KIAA1328: variants seen among roughly 807,000 people sequenced by gnomAD.
The protein encoded by KIAA1328 is KIAA1328, also known as protein hinderin.
Under a neutral mutation model 68.1 loss-of-function variants are expected in KIAA1328, and 52 were observed. The ratio of observed to expected loss-of-function variants is 0.76; its 90% CI spans 0.61 to 0.96. KIAA1328 has a LOEUF of 0.96. Ranked by LOEUF, KIAA1328 falls within the 40% of genes least tolerant of loss-of-function variation. KIAA1328 has a pLI of 0.00. For synonymous variants in KIAA1328, 232 were observed against 239.4 expected (o/e 0.97, Z 0.28); for missense variants, 641 against 677.6 (o/e 0.95, Z 0.60).
intron 5 of KIAA1328, among the ~76,000 whole-genome samples, chr18:36,949,162 G>C (rs532204503): frequency 6.6e-6 from 1 of 152,238 alleles, no homozygotes; most frequent in South Asian, 2.1e-4. Context: ...CCCATGAAAG[G>C]CTGAATTGCT....
At chr18:37,008,556 A>G (rs1027429652) in intron 6 of KIAA1328, among the ~76,000 whole-genome samples, 19 of 152,356 alleles carry the variant, frequency 1.2e-4, no homozygotes, top group Middle Eastern at 6.8e-3. Flanking sequence ...TAGAGAAAAG[A>G]TAATTAAGAA....
At chr18:37,229,451 A>G, downstream of KIAA1328, 1 of 692,448 alleles carries the variant, frequency 1.4e-6, no homozygotes, top group Non-Finnish European at 2.0e-6. Flanking sequence ...ACCAATAATG[A>G]AAATGAAGTT....
chr18:37,212,134 T>C (rs1043272430), intron 9 of KIAA1328, among the ~76,000 whole-genome samples: 1 of 152,234 alleles, frequency 6.6e-6, no homozygotes. Context: ...AGCTCATTCC[T>C]TGAGCATGAA....
At chr18:36,938,507 C>A (rs924913599) in intron 5 of KIAA1328, among the ~76,000 whole-genome samples, 1 of 152,104 alleles carries the variant, frequency 6.6e-6, no homozygotes, top group East Asian at 1.9e-4. Context: ...TGCCTCTTAT[C>A]AGATGTATGG....
intron 4 of KIAA1328, among the ~76,000 whole-genome samples, chr18:36,877,807 C>T (rs2048186849): frequency 6.6e-6 from 1 of 151,544 alleles, no homozygotes; most frequent in South Asian, 2.1e-4. Flanking sequence ...GCTGGGACTA[C>T]AGGCGCCCGC....
intron 7 of KIAA1328, among the ~76,000 whole-genome samples, chr18:37,135,873 G>T (rs1261967849): frequency 2.0e-5 from 3 of 152,128 alleles, no homozygotes; most frequent in South Asian, 4.1e-4. Context: ...TATGGTAAAA[G>T]GTAGCCGGTT....
chr18:37,122,661 T>C (rs753977483), intron 7 of KIAA1328, among the ~76,000 whole-genome samples: 69 of 145,568 alleles, frequency 4.7e-4, no homozygotes, highest in Non-Finnish European at 8.4e-4. Context: ...TTGCAGTTGA[T>C]GGGTTTGCCA....
At chr18:37,171,716 A>G (rs2059503183) in intron 8 of KIAA1328, among the ~76,000 whole-genome samples, 1 of 152,144 alleles carries the variant, frequency 6.6e-6, no homozygotes, top group South Asian at 2.1e-4. Context: ...TCTACGCATA[A>G]TAGATCAGTG....
intron 4 of KIAA1328, among the ~76,000 whole-genome samples, chr18:36,858,792 C>T (rs566839832): frequency 2.0e-5 from 3 of 152,266 alleles, no homozygotes; most frequent in Non-Finnish European, 4.4e-5. Context: ...GTGAAGTGCC[C>T]TTTCCATCAC....
intron 7 of KIAA1328, among the ~76,000 whole-genome samples, chr18:37,121,658 A>G (rs1339510544): frequency 6.6e-6 from 1 of 152,194 alleles, no homozygotes; most frequent in Admixed American, 6.6e-5. Context: ...TGGAAAGAAC[A>G]TCAAAAGCTA....
At chr18:37,125,291 G>A (rs1015913292) in intron 7 of KIAA1328, among the ~76,000 whole-genome samples, 2 of 152,126 alleles carry the variant, frequency 1.3e-5, no homozygotes, top group Non-Finnish European at 2.9e-5. Context: ...TTGCACTCCA[G>A]CCTGGGTGAC....
At chr18:36,994,677 G>C (rs768954412) in intron 6 of KIAA1328, among the ~76,000 whole-genome samples, 1 of 152,090 alleles carries the variant, frequency 6.6e-6, no homozygotes, top group African/African-American at 2.4e-5. Flanking sequence ...TTATAGTCTA[G>C]AGTGTTTTCC....
chr18:37,174,266 A>T (rs1377865285), intron 9 of KIAA1328, among the ~76,000 whole-genome samples: 1 of 152,156 alleles, frequency 6.6e-6, no homozygotes, highest in East Asian at 1.9e-4. Context: ...AAACCTCGTA[A>T]TCTTAAATAT....
At chr18:36,897,087 T>C (rs1289418329) in intron 5 of KIAA1328, among the ~76,000 whole-genome samples, 1 of 152,120 alleles carries the variant, frequency 6.6e-6, no homozygotes, top group Non-Finnish European at 1.5e-5. Context: ...TGAATATAAT[T>C]ATGCTCATGA....
At chr18:36,903,891 A>G (rs1035297699) in intron 5 of KIAA1328, among the ~76,000 whole-genome samples, 1 of 152,104 alleles carries the variant, frequency 6.6e-6, no homozygotes, top group Non-Finnish European at 1.5e-5. Context: ...TGTCAGCATC[A>G]CCAACAATAT....
intron 7 of KIAA1328, among the ~76,000 whole-genome samples, chr18:37,141,210 A>G (rs957212733): frequency 6.6e-6 from 1 of 152,306 alleles, no homozygotes; most frequent in African/African-American, 2.4e-5. Flanking sequence ...GAAAGTATTC[A>G]TCACCCCACA....
chr18:37,153,535 C>G (rs2059084900), intron 7 of KIAA1328, among the ~76,000 whole-genome samples: 1 of 151,028 alleles, frequency 6.6e-6, no homozygotes, highest in Admixed American at 6.6e-5. Context: ...TCTATATATA[C>G]CTATATATAG....
At chr18:37,061,515 A>G (rs932528315) in intron 6 of KIAA1328, among the ~76,000 whole-genome samples, 4 of 152,166 alleles carry the variant, frequency 2.6e-5, no homozygotes, top group African/African-American at 9.7e-5. Flanking sequence ...TGTGGTTTCT[A>G]AGTTACTGTT....
chr18:37,229,530 G>T, downstream of KIAA1328: 1 of 1,267,132 alleles, frequency 7.9e-7, no homozygotes, highest in South Asian at 1.3e-5. Context: ...GGGTGGGAGG[G>T]TCATTTTTTA....
Sources: gnomAD v4.1 joint callset for allele counts (sites outside exome capture counted in the v4.1 genomes callset) on GRCh38, gnomAD v4.1.1 for gene constraint, MANE v1.5 for transcripts, NCBI Gene and HGNC (gene_info 2026-07-23, HGNC 2026-07-21) for gene names.